Variants in ST8SIA1 observed in about 807,000 individuals in gnomAD.
ST8SIA1 encodes ST8 alpha-N-acetyl-neuraminide alpha-2,8-sialyltransferase 1.
In ST8SIA1, 16 loss-of-function variants were observed where a neutral mutation model predicts 35.9. The ratio of observed to expected loss-of-function variants is 0.45; its 90% CI spans 0.30 to 0.68. The LOEUF is 0.68. Ranked by LOEUF, ST8SIA1 falls within the 30% of genes least tolerant of loss-of-function variation. The pLI is 0.09. For synonymous variants in ST8SIA1, 170 were observed against 169.6 expected, an observed-to-expected ratio of 1.00 and a Z score of -0.02; for missense variants, 383 against 453.6, an observed-to-expected ratio of 0.84 and a Z score of 1.41.
intron 4 of ST8SIA1, among the ~76,000 whole-genome samples, chr12:22,209,995 T>C (rs562939312): frequency 6.6e-6 from 1 of 152,328 alleles, no homozygotes; most frequent in South Asian, 2.1e-4. Flanking sequence ...TCCATGAATG[T>C]CTGCTGGAGG....
intron 1 of ST8SIA1, among the ~76,000 whole-genome samples, chr12:22,298,439 T>C (rs1866273897): frequency 6.6e-6 from 1 of 152,206 alleles, no homozygotes; most frequent in African/African-American, 2.4e-5. Flanking sequence ...GACACCCAGC[T>C]GGGTCCACCA....
chr12:22,280,775 T>C (rs1254385060), intron 2 of ST8SIA1, among the ~76,000 whole-genome samples: 1 of 152,244 alleles, frequency 6.6e-6, no homozygotes, highest in African/African-American at 2.4e-5. Flanking sequence ...CCTATGAAGA[T>C]AACAGATATT....
chr12:22,220,944 T>C (rs1865291698), intron 4 of ST8SIA1, among the ~76,000 whole-genome samples: 2 of 152,220 alleles, frequency 1.3e-5, no homozygotes, highest in African/African-American at 4.8e-5. Flanking sequence ...TTCAGCCCTT[T>C]TTGCTCCATC....
At position 22,316,913 on chromosome 12, in the gene ST8SIA1, C is replaced by T. The variant is rs185499638; in HGVS notation, c.236+17084G>A. Among the ~76,000 whole-genome samples the T allele has an allele frequency of 3.9e-3, 598 of 151,460 alleles. 3 individuals carry two copies. The highest frequency in any genetic ancestry group is 4.6e-3 in the Non-Finnish European group (310 of 67,806). On this transcript the variant is annotated intron_variant, in intron 1 of 4. Transcript: ENST00000396037. The stretch of plus-strand genomic sequence containing the variant: ...GTTTAAAGTTGATAACATTCAGTAT[C>T]GGGAAAAAAAAACAGGCTTTCTCAT...
intron 4 of ST8SIA1, among the ~76,000 whole-genome samples, chr12:22,207,263 C>T (rs533074542): frequency 6.6e-6 from 1 of 152,196 alleles, no homozygotes; most frequent in African/African-American, 2.4e-5. Context: ...AACTTTTTAT[C>T]TCAGATGTGA....
intron 1 of ST8SIA1, among the ~76,000 whole-genome samples, chr12:22,330,511 T>C (rs1410890171): frequency 6.6e-6 from 1 of 152,134 alleles, no homozygotes; most frequent in African/African-American, 2.4e-5. Flanking sequence ...CCCAAATCCA[T>C]AAGGTTTTCA....
chr12:22,306,000 A>C (rs996334520), intron 1 of ST8SIA1, among the ~76,000 whole-genome samples: 3 of 152,176 alleles, frequency 2.0e-5, no homozygotes, highest in Non-Finnish European at 4.4e-5. Flanking sequence ...ACTATAAACT[A>C]AGTTCCTCCG....
At chr12:22,218,591 C>G (rs1487889310) in intron 4 of ST8SIA1, among the ~76,000 whole-genome samples, 9 of 119,664 alleles carry the variant, frequency 7.5e-5, no homozygotes, top group African/African-American at 2.0e-4. Context: ...GCACTCCAGT[C>G]TGGGTGACAA....
intron 4 of ST8SIA1, among the ~76,000 whole-genome samples, chr12:22,217,338 T>C (rs938201538): frequency 3.9e-5 from 6 of 152,188 alleles, no homozygotes; most frequent in Non-Finnish European, 8.8e-5. Flanking sequence ...AAGTGAAGTA[T>C]ACTCTAATCT....
At chr12:22,317,026 G>A (rs1194880030) in intron 1 of ST8SIA1, among the ~76,000 whole-genome samples, 1 of 152,068 alleles carries the variant, frequency 6.6e-6, no homozygotes, top group Non-Finnish European at 1.5e-5. Flanking sequence ...TCATGACCCA[G>A]AAATCTTTCC....
intron 4 of ST8SIA1, among the ~76,000 whole-genome samples, chr12:22,217,065 T>C (rs181382072): frequency 6.6e-5 from 10 of 152,328 alleles, no homozygotes; most frequent in Admixed American, 2.6e-4. Flanking sequence ...AAACAGAATA[T>C]GGTAATTTCC....
rs371512227 is a variant in ST8SIA1, at chr12:22,265,797, G to A, written c.382-10408C>T. Among the ~76,000 whole-genome samples the A allele has an allele frequency of 4.1e-4, 62 of 151,952 alleles. 1 individual carries two copies. Among genetic ancestry groups the A allele is most frequent in the African/African-American group, 1.5e-3 (61 of 41,424 alleles). ...CTATTGTTTAAAATGGTTTAATGCT[G>A]TAAATTGGCCTCTAGTTCTTGCCTA... On this transcript the variant is annotated intron_variant, in intron 2 of 4. Coordinates refer to ENST00000396037, the MANE Select transcript of ST8SIA1 (RefSeq NM_003034.4).
chr12:22,320,339 C>T (rs1866570207), intron 1 of ST8SIA1, among the ~76,000 whole-genome samples: 2 of 152,122 alleles, frequency 1.3e-5, no homozygotes, highest in African/African-American at 4.8e-5. Context: ...GGCTAAGTAC[C>T]CCATCTTTTA....
chr12:22,292,847 C>T (rs570450822), intron 1 of ST8SIA1, among the ~76,000 whole-genome samples: 103 of 152,158 alleles, frequency 6.8e-4, no homozygotes, highest in African/African-American at 2.4e-3. Context: ...ACCTCAGCAT[C>T]GCACAATATA....
At chr12:22,309,755 C>T (rs1476614252) in intron 1 of ST8SIA1, among the ~76,000 whole-genome samples, 1 of 152,094 alleles carries the variant, frequency 6.6e-6, no homozygotes, top group Non-Finnish European at 1.5e-5. Flanking sequence ...TGAATCTCAT[C>T]ATTCTTTAGT....
chr12:22,333,462 T>C (rs983828071), intron 1 of ST8SIA1, among the ~76,000 whole-genome samples: 2 of 152,236 alleles, frequency 1.3e-5, no homozygotes, highest in Non-Finnish European at 2.9e-5. Context: ...CGTCTCTTAG[T>C]AGACGTCAGT....
chr12:22,242,495 T>C (rs1010129899), intron 4 of ST8SIA1, among the ~76,000 whole-genome samples: 12 of 152,156 alleles, frequency 7.9e-5, no homozygotes, highest in African/African-American at 2.9e-4. Context: ...CCCTGAAAAG[T>C]CCGTACTTGG....
intron 4 of ST8SIA1, among the ~76,000 whole-genome samples, chr12:22,229,028 T>C (rs1204231720): frequency 8.1e-6 from 1 of 123,006 alleles, no homozygotes; most frequent in Non-Finnish European, 1.6e-5. Context: ...CACTCCAGCC[T>C]GGGTGACAGA....
Position 22,283,815 on chromosome 12 carries a change from G to A in ST8SIA1, c.381+3334C>T, listed in dbSNP as rs904923533. 9.2e-5 allele frequency among the ~76,000 whole-genome samples: 14 copies of A among 152,210 alleles called. 1 individual carries two copies. Among genetic ancestry groups the A allele is most frequent in the Middle Eastern group, 6.8e-3 (2 of 292 alleles). ...AATGACTATTTATACTGAGTGGGAA[G>A]CACTGCAGTGGGCACAAAAGGGAAA... On this transcript the variant is annotated intron_variant, in intron 2 of 4. Transcript: ENST00000396037.
Sources: gnomAD v4.1 joint callset for allele counts (sites outside exome capture counted in the v4.1 genomes callset) on GRCh38, gnomAD v4.1.1 for gene constraint, MANE v1.5 for transcripts, NCBI Gene and HGNC (gene_info 2026-07-23, HGNC 2026-07-21) for gene names.